Variants in CCND2 observed in about 807,000 individuals in gnomAD.
CCND2 encodes the protein cyclin D2, also known as G1/S-specific cyclin-D2.
CCND2 carries 6 observed loss-of-function variants against 30.2 expected under a neutral mutation model. The ratio of observed to expected loss-of-function variants is 0.20; its 90% CI spans 0.11 to 0.39. The LOEUF (loss-of-function observed/expected upper bound fraction) is 0.39. CCND2 is among the 10% of genes least tolerant of loss of function. CCND2 has a pLI of 1.00. For synonymous variants in CCND2, 150 were observed against 153.1 expected, an observed-to-expected ratio of 0.98 and a Z score of 0.15; for missense variants, 235 against 373.4, an observed-to-expected ratio of 0.63 and a Z score of 3.06.
intron 2 of CCND2, among the ~76,000 whole-genome samples, chr12:4,278,499 A>C (rs1863902972): frequency 6.6e-6 from 1 of 152,192 alleles, no homozygotes; most frequent in African/African-American, 2.4e-5. Flanking sequence ...GTGGAAACGA[A>C]GTAGAAGAAA....
chr12:4,280,458 C>T (rs985479088), intron 3 of CCND2, among the ~76,000 whole-genome samples: 7 of 152,364 alleles, frequency 4.6e-5, no homozygotes, highest in South Asian at 4.1e-4. Flanking sequence ...GGCCTCATGG[C>T]GTGCACATGC....
chr12:4,284,744 C>CT (rs11455398), intron 3 of CCND2, among the ~76,000 whole-genome samples: 73,180 of 137,944 alleles, frequency 0.53, 19,484 homozygotes, highest in East Asian at 0.7. Flanking sequence ...TTTTCTTTTT[C>CT]TTTTTTTTTT....
In CCND2 at chr12:4,278,812, C is replaced by T; in HGVS notation, c.464C>T (p.Thr155Ile). ...TTGAAGTGGAACCTGGCAGCTGTCACTCCTCATGACTTCATTGAGCACATC... is the reference window on the plus strand; with the variant it reads ...TTGAAGTGGAACCTGGCAGCTGTCATTCCTCATGACTTCATTGAGCACATC... ...GKLKWNLAAV[T>I]PHDFIEHILR... Residue 155 changes from threonine (T) to isoleucine (I), a missense_variant, in exon 3 of 5, where the codon ACT (threonine) becomes ATT (isoleucine). This residue lies in a region of CCND2 where 178 missense variants were observed against 322.8 expected (regional missense o/e 0.55). Transcript: ENST00000261254. The T allele has an allele frequency of 6.2e-7, 1 of 1,614,250 alleles. No homozygotes were observed. Among genetic ancestry groups the T allele is most frequent in the Non-Finnish European group, 8.5e-7 (1 of 1,180,040 alleles).
At chr12:4,279,001 C>CT (rs1863911955) in intron 3 of CCND2, 82 bp downstream of exon 3, 8 of 1,417,188 alleles carry the variant, frequency 5.6e-6, no homozygotes, top group Non-Finnish European at 7.7e-6. Context: ...GCCGTAGGAA[C>CT]TTTCATTTTA....
intron 4 of CCND2, among the ~76,000 whole-genome samples, chr12:4,294,224 G>T (rs1036610527): frequency 4.6e-5 from 7 of 151,616 alleles, no homozygotes; most frequent in Admixed American, 1.3e-4. Context: ...CCCTTGTAAC[G>T]AGCTGAAGAT....
intron 4 of CCND2, among the ~76,000 whole-genome samples, chr12:4,294,990 C>T (rs956128393): frequency 1.3e-5 from 2 of 152,190 alleles, no homozygotes; most frequent in African/African-American, 4.8e-5. Flanking sequence ...TGGGCAAGAC[C>T]CGGGCGATGT....
At chr12:4,281,340 A>G (rs1220296419) in intron 3 of CCND2, among the ~76,000 whole-genome samples, 1 of 152,188 alleles carries the variant, frequency 6.6e-6, no homozygotes, top group African/African-American at 2.4e-5. Flanking sequence ...CAGTACAAAC[A>G]CCGAAGGCCG....
chr12:4,295,369 C>T (rs1195590326), intron 4 of CCND2, among the ~76,000 whole-genome samples: 2 of 152,184 alleles, frequency 1.3e-5, no homozygotes, highest in East Asian at 3.9e-4. Context: ...AGCGTCCTGC[C>T]TTACCACAAG....
Position 4,295,610 on chromosome 12 carries a change from C to T in CCND2, c.721-4250C>T, listed in dbSNP as rs934135413. On this transcript the variant is annotated intron_variant, in intron 4 of 4. Coordinates refer to ENST00000261254, the MANE Select transcript of CCND2 (RefSeq NM_001759.4). ...TGACCAATCTGGTGAAACCCTGTCT[C>T]TATTAAAAATACAAAAATCAGCTGG... Among the ~76,000 whole-genome samples, 29 of 152,160 alleles carry T rather than the reference C, an allele frequency of 1.9e-4. 1 individual carries two copies. Among genetic ancestry groups the T allele is most frequent in the East Asian group, 1.9e-4 (1 of 5,198 alleles).
At position 4,302,374 on chromosome 12, in the gene CCND2, C is replaced by G. The variant is rs1378233167; in HGVS notation, c.*2365C>G. ...GGAAACAGACTAAAAAGAATTCCAC[C>G]AGGCTGTTTGGAGATCCTCATCTTG... On this transcript the variant is annotated 3_prime_UTR_variant, in exon 5 of 5. Coordinates refer to ENST00000261254, the MANE Select transcript of CCND2 (RefSeq NM_001759.4). 1 of 233,014 alleles carries G rather than the reference C, an allele frequency of 4.3e-6. No individual in the cohort carries two copies. Among genetic ancestry groups the G allele is most frequent in the Non-Finnish European group, 8.5e-6 (1 of 117,966 alleles). The allele number at this position is 233,014 out of a possible 1,614,324, so 14.4% of individuals were successfully genotyped here.
intron 2 of CCND2, 30 bp from the exon 3 acceptor site, chr12:4,278,730 C>T: frequency 1.2e-6 from 2 of 1,610,870 alleles, no homozygotes; most frequent in Non-Finnish European, 1.7e-6. Context: ...AATTTAGATT[C>T]TCCTCTTCTC....
rs182883448 is a variant in CCND2 at position 4,302,602 on chromosome 12, C to T, written c.*2593C>T. ...CTTCTCCCTCCTCTGTCTCAAACTG[C>T]GCAGGCAAGCACTATGCAAGCCCAG... is the stretch of plus-strand genomic sequence containing the variant. On this transcript the variant is annotated 3_prime_UTR_variant, in exon 5 of 5. Coordinates refer to ENST00000261254, the MANE Select transcript of CCND2 (RefSeq NM_001759.4). The T allele has an allele frequency of 5.1e-5, 12 of 233,234 alleles. No homozygotes were observed. Among genetic ancestry groups the T allele is most frequent in the Non-Finnish European group, 8.5e-5 (10 of 118,048 alleles). The allele number at this position is 233,234 out of a possible 1,614,324, so 14.4% of individuals were successfully genotyped here. A position where few individuals can be genotyped will look rare whatever the true frequency, so the allele number is the denominator to read the frequency against.
intron 4 of CCND2, chr12:4,297,777 A>C: frequency 2.3e-6 from 1 of 427,912 alleles, no homozygotes; most frequent in South Asian, 1.7e-5. Flanking sequence ...CGGACAGGGT[A>C]AGGGTAAGGG....
At position 4,299,925 on chromosome 12, in the gene CCND2, T is replaced by G; in HGVS notation, c.786T>G (p.Arg262=). Reference sequence around the variant, plus strand: ...TCCTCAATAGCCTGCAGCAGTACCGTCAGGACCAACGTGACGGATCCAAGT... The same window carrying G: ...TCCTCAATAGCCTGCAGCAGTACCGGCAGGACCAACGTGACGGATCCAAGT... The part of the protein sequence containing the change: ...AVLLNSLQQY[R]QDQRDGSKSE... The change falls in exon 5 of 5, where the codon CGT becomes CGG. Residue 262 remains arginine (R), a synonymous_variant. Coordinates refer to ENST00000261254, the MANE Select transcript of CCND2 (RefSeq NM_001759.4). The surrounding 1 kb of genome is among the most constrained non-coding windows in gnomAD (Gnocchi z 5.2). 6.2e-7 allele frequency: 1 copy of G among 1,614,126 alleles called. No homozygotes were observed. Among genetic ancestry groups the G allele is most frequent in the Admixed American group, 1.7e-5 (1 of 60,030 alleles).
chr12:4,299,528 T>A lies in CCND2; in HGVS notation c.721-332T>A, dbSNP rs1864219126. The stretch of plus-strand genomic sequence containing the variant: ...TGGTCGGCCCCTTGATTACCAGGCA[T>A]CCATAAGTGACCATCATTTAGGCCA... On this transcript the variant is annotated intron_variant, in intron 4 of 4. Transcript: ENST00000261254. The surrounding 1 kb of genome is among the most constrained non-coding windows in gnomAD (Gnocchi z 5.2). Among the ~76,000 whole-genome samples the A allele has an allele frequency of 6.6e-6, 1 of 152,120 alleles. No homozygotes were observed. Among genetic ancestry groups the A allele is most frequent in the South Asian group, 2.1e-4 (1 of 4,830 alleles).
At chr12:4,281,041 C>CA in intron 3 of CCND2, among the ~76,000 whole-genome samples, 1 of 152,320 alleles carries the variant, frequency 6.6e-6, no homozygotes, top group East Asian at 1.9e-4. Context: ...GACAGAGGCC[C>CA]AGAGGGATAC....
Position 4,278,846 on chromosome 12 carries a change from G to A in CCND2, c.498G>A (p.Lys166=). 3.7e-6 allele frequency: 6 copies of A among 1,614,226 alleles called. No individual in the cohort carries two copies. Among genetic ancestry groups the A allele is most frequent in the Non-Finnish European group, 5.1e-6 (6 of 1,180,030 alleles). Residue 166 remains lysine, a synonymous_variant, in exon 3 of 5, where the codon AAG becomes AAA. Transcript: ENST00000261254. ...PHDFIEHILR[K]LPQQREKLSL... ...ACTTCATTGAGCACATCTTGCGCAAGCTGCCCCAGCAGCGGGAGAAGCTGT... is the reference window on the plus strand; with the variant it reads ...ACTTCATTGAGCACATCTTGCGCAAACTGCCCCAGCAGCGGGAGAAGCTGT...
rs193003141 is a variant in CCND2 at position 4,293,185 on chromosome 12, A to G, written c.720+4195A>G. ...TTCCGAGCCTTCTGAGTTTTCCCCA[A>G]CCTTATCTTAGAGTAGGTTAAATGA... On this transcript the variant is annotated intron_variant, in intron 4 of 4. Transcript: ENST00000261254. The surrounding 1 kb of genome is among the most constrained non-coding windows in gnomAD (Gnocchi z 4.9). Among the ~76,000 whole-genome samples, 5 of 152,216 alleles carry G rather than the reference A, an allele frequency of 3.3e-5. No homozygotes were observed. The East Asian group carries it at 5.8e-4, about 18-fold the overall frequency.
chr12:4,289,937 A>G (rs2120563575), intron 4 of CCND2, among the ~76,000 whole-genome samples: 1 of 152,166 alleles, frequency 6.6e-6, no homozygotes, highest in East Asian at 1.9e-4. Flanking sequence ...TTGAAAAAAA[A>G]CCCTGGGGTT....
Sources: allele counts gnomAD v4.1 joint callset (sites outside exome capture counted in the v4.1 genomes callset), GRCh38; gene constraint gnomAD v4.1.1; regional missense constraint gnomAD v4.1.1; non-coding constraint Gnocchi (gnomAD v3.1); transcripts MANE v1.5; gene names NCBI Gene and HGNC (gene_info 2026-07-23, HGNC 2026-07-21).